The following OR3A2 variants were observed in gnomAD, a reference collection of about 807,000 sequenced individuals.
OR3A2 encodes the protein olfactory receptor family 3 subfamily A member 2, also known as olfactory receptor 3A2.
For synonymous variants in OR3A2, 126 were observed against 159.3 expected (o/e 0.79, Z 1.57); for missense variants, 318 against 392.8 (o/e 0.81, Z 1.61).
chr17:3,320,737 T>G (rs868671413), intron 3 of OR3A2, among the ~76,000 whole-genome samples: 15 of 152,072 alleles, frequency 9.9e-5, no homozygotes, highest in Admixed American at 3.9e-4. Context: ...CATTGGTCTA[T>G]ATCTCTGTTT....
In OR3A2 at chr17:3,372,841, A is replaced by AGGAGGAGAG. The variant is rs2049642989; in HGVS notation, c.-179+10962_-179+10963insCTCTCCTCC. Reference sequence around the variant, plus strand: ...AAGAGGGAGAGGGAGAGGGAGGAGAAGGAGAAGGAGAGGGAGAGGGAGAGG... The same window carrying AGGAGGAGAG: ...AAGAGGGAGAGGGAGAGGGAGGAGAAGGAGGAGAGGGAGAAGGAGAGGGAGAGGGAGAGG... On this transcript the variant is annotated intron_variant, in intron 2 of 4. Coordinates refer to the OR3A2 transcript ENST00000573491. Among the ~76,000 whole-genome samples the AGGAGGAGAG allele has an allele frequency of 1.4e-4, 14 of 98,554 alleles. 1 individual carries two copies. The highest frequency in any genetic ancestry group is 5.7e-4 in the African/African-American group (14 of 24,460). The allele number at this position is 98,554 out of a possible 152,430, so 64.7% of individuals were successfully genotyped here.
intron 3 of OR3A2, among the ~76,000 whole-genome samples, chr17:3,293,248 C>G (rs887623590): frequency 1.3e-5 from 2 of 151,782 alleles, no homozygotes; most frequent in African/African-American, 4.8e-5. Context: ...TAAAGTATGG[C>G]ACCATAATCC....
At chr17:3,380,145 G>A (rs2049721393) in intron 2 of OR3A2, among the ~76,000 whole-genome samples, 2 of 152,208 alleles carry the variant, frequency 1.3e-5, no homozygotes, top group African/African-American at 4.8e-5. Flanking sequence ...CCCTTTGCCT[G>A]AAGCAGATTA....
At chr17:3,288,444 GT>G (rs768790453), upstream of OR3A2, among the ~76,000 whole-genome samples, 25 of 152,068 alleles carry the variant, frequency 1.6e-4, 1 homozygote, top group Admixed American at 2.0e-4. Context: ...TACCACCTAG[GT>G]TTGTGCAAGT....
chr17:3,316,563 A>G (rs1347629995), intron 3 of OR3A2, among the ~76,000 whole-genome samples: 1 of 152,230 alleles, frequency 6.6e-6, no homozygotes. Flanking sequence ...CAATATTTAC[A>G]AAGCAATTTT....
intron 2 of OR3A2, among the ~76,000 whole-genome samples, chr17:3,350,328 C>A (rs2049409551): frequency 6.7e-6 from 1 of 149,364 alleles, no homozygotes; most frequent in Admixed American, 6.6e-5. Context: ...CAAATAGATG[C>A]AATAAAAAAT....
intron 2 of OR3A2, among the ~76,000 whole-genome samples, chr17:3,357,607 A>G (rs2049474270): frequency 1.3e-5 from 2 of 151,596 alleles, no homozygotes. Context: ...TCAATTGGGG[A>G]GGATGAAAAA....
At chr17:3,347,569 T>C (rs1008807862) in intron 2 of OR3A2, among the ~76,000 whole-genome samples, 7 of 152,350 alleles carry the variant, frequency 4.6e-5, no homozygotes, top group South Asian at 2.1e-4. Flanking sequence ...ACAAAGGACA[T>C]GAACTCATCA....
intron 3 of OR3A2, chr17:3,309,913 C>G (rs540345166): frequency 5.3e-6 from 1 of 188,720 alleles, no homozygotes; most frequent in Non-Finnish European, 1.1e-5. Flanking sequence ...CGAAGCTTCC[C>G]TTTCATCCTC....
At chr17:3,367,599 G>GTATATATATAT (rs201439962) in intron 2 of OR3A2, among the ~76,000 whole-genome samples, 1 of 85,958 alleles carries the variant, frequency 1.2e-5, no homozygotes, top group Non-Finnish European at 2.3e-5. Context: ...GTGTGTGTGT[G>GTATATATATAT]TGTATATATA....
At chr17:3,290,994 T>C (rs2048860341) in intron 3 of OR3A2, 1 of 152,208 alleles carries the variant, frequency 6.6e-6, no homozygotes, top group Admixed American at 6.5e-5. Flanking sequence ...AATGGAGTTT[T>C]AGCATTTGGA....
intron 2 of OR3A2, among the ~76,000 whole-genome samples, chr17:3,351,715 G>C (rs916041514): frequency 2.0e-5 from 3 of 150,404 alleles, no homozygotes; most frequent in Non-Finnish European, 4.4e-5. Context: ...AAAAGAGCCC[G>C]CATCACCAAG....
intron 2 of OR3A2, among the ~76,000 whole-genome samples, chr17:3,368,902 A>G (rs1005553768): frequency 2.0e-5 from 3 of 152,100 alleles, no homozygotes; most frequent in Non-Finnish European, 4.4e-5. Context: ...TGTGTCCTCT[A>G]TATTTCTTTC....
chr17:3,276,160 A>G (rs912989624), downstream of OR3A2, among the ~76,000 whole-genome samples: 7 of 152,202 alleles, frequency 4.6e-5, no homozygotes, highest in Admixed American at 3.9e-4. Flanking sequence ...TTGCAAAACA[A>G]TTGAAAATAA....
intron 3 of OR3A2, among the ~76,000 whole-genome samples, chr17:3,322,785 C>T (rs1279165699): frequency 6.6e-6 from 1 of 152,134 alleles, no homozygotes; most frequent in Non-Finnish European, 1.5e-5. Flanking sequence ...GAGTGCTTTA[C>T]TTCCAACTAT....
At chr17:3,380,043 G>A (rs2049720530) in intron 2 of OR3A2, among the ~76,000 whole-genome samples, 1 of 152,164 alleles carries the variant, frequency 6.6e-6, no homozygotes, top group South Asian at 2.1e-4. Flanking sequence ...CAATTAGTGG[G>A]TGGCCCCTCT....
chr17:3,313,769 C>A (rs1023215671), intron 3 of OR3A2, among the ~76,000 whole-genome samples: 1 of 152,276 alleles, frequency 6.6e-6, no homozygotes, highest in Non-Finnish European at 1.5e-5. Flanking sequence ...TTTATTCTTC[C>A]CAGCTAGGTT....
At chr17:3,345,372 C>A (rs2049353552) in intron 2 of OR3A2, among the ~76,000 whole-genome samples, 1 of 150,346 alleles carries the variant, frequency 6.7e-6, no homozygotes, top group Non-Finnish European at 1.5e-5. Flanking sequence ...TGAAGACAGC[C>A]AAAATCATCA....
chr17:3,285,501 A>G (rs2048802593), upstream of OR3A2, among the ~76,000 whole-genome samples: 1 of 152,186 alleles, frequency 6.6e-6, no homozygotes, highest in African/African-American at 2.4e-5. Context: ...AATTATGAGT[A>G]TCTGTGGCTG....
Sources: allele counts gnomAD v4.1 joint callset (sites outside exome capture counted in the v4.1 genomes callset), GRCh38; gene constraint gnomAD v4.1.1; transcripts MANE v1.5; gene names NCBI Gene and HGNC (gene_info 2026-07-23, HGNC 2026-07-21).